The following UNC119 variants were observed in gnomAD, a reference collection of about 807,000 sequenced individuals.
UNC119 encodes unc-119 lipid binding chaperone, also known as protein unc-119 homolog A.
In UNC119, 15 loss-of-function variants were observed where a neutral mutation model predicts 22.6. The observed-to-expected ratio is 0.66, with a 90% CI of 0.44 to 1.02. UNC119 has a LOEUF of 1.02. UNC119 is among the 50% of genes least tolerant of loss of function. The pLI is 0.00. For missense variants in UNC119, 322 were observed against 336.0 expected (o/e 0.96, Z 0.33); for synonymous variants, 138 against 139.4 (o/e 0.99, Z 0.07).
At chr17:28,550,531 A>G (rs1433564140) in intron 1 of UNC119, 1 of 152,230 alleles carries the variant, frequency 6.6e-6, no homozygotes, top group Non-Finnish European at 1.5e-5. Context: ...GTCAGGTCAG[A>G]ATAAGGGGCA....
chr17:28,552,037 C>T (rs1362802334), intron 1 of UNC119: 2 of 603,232 alleles, frequency 3.3e-6, no homozygotes, highest in African/African-American at 3.7e-5. Context: ...AGCTACAGGG[C>T]TATGGTTGCA....
chr17:28,547,488 A>G, intron 4 of UNC119, 79 bp from the exon 5 acceptor site: 1 of 1,596,630 alleles, frequency 6.3e-7, no homozygotes, highest in Non-Finnish European at 8.5e-7. Context: ...GGACTGGGGT[A>G]CAGGGACAGC....
intron 1 of UNC119, 42 bp downstream of exon 1, chr17:28,552,296 C>A (rs528723456): frequency 6.6e-7 from 1 of 1,522,336 alleles, no homozygotes; most frequent in Admixed American, 2.0e-5. Context: ...CGCACCCTCT[C>A]CCCTTCCCAC....
rs900578321 is a variant in UNC119, at chr17:28,552,602, G to A, written c.-45C>T. On this transcript the variant is annotated 5_prime_UTR_variant, in exon 1 of 5. Coordinates refer to ENST00000335765, the MANE Select transcript of UNC119 (RefSeq NM_005148.4). ...TCGCCTGCTGCTGCCGCCGCTGCCTGCGCCGGCTGGAGCCGGGGGAAGTGG... is the reference window on the plus strand; with the variant it reads ...TCGCCTGCTGCTGCCGCCGCTGCCTACGCCGGCTGGAGCCGGGGGAAGTGG... The A allele has an allele frequency of 2.7e-5, 40 of 1,468,516 alleles. No individual in the cohort carries two copies. Among genetic ancestry groups the A allele is most frequent in the Middle Eastern group, 2.3e-4 (1 of 4,290 alleles). 91.0% of individuals were successfully genotyped at this position (1,468,516 alleles called of 1,614,324 possible). A position where few individuals can be genotyped will look rare whatever the true frequency, so the allele number is the denominator to read the frequency against.
Position 28,547,220 on chromosome 17 carries a change from G to C in UNC119, c.*77C>G. On this transcript the variant is annotated 3_prime_UTR_variant, in exon 5 of 5. Transcript: ENST00000335765. ...GAACTCCCCAAGCAGAGGACTTGGG[G>C]TTGAGGGGTGAGCGTTGGGGAGGTC... 1 of 1,563,528 alleles carries C rather than the reference G, an allele frequency of 6.4e-7. No homozygotes were observed. The highest frequency in any genetic ancestry group is 8.8e-7 in the Non-Finnish European group (1 of 1,142,722).
rs768178233 is a variant in UNC119 at position 28,547,257 on chromosome 17, C to T, written c.*40G>A. 1 of 1,612,366 alleles carries T rather than the reference C, an allele frequency of 6.2e-7. No homozygotes were observed. The highest frequency in any genetic ancestry group is 8.5e-7 in the Non-Finnish European group (1 of 1,179,082). On this transcript the variant is annotated 3_prime_UTR_variant, in exon 5 of 5. Coordinates refer to ENST00000335765, the MANE Select transcript of UNC119 (RefSeq NM_005148.4). Reference sequence around the variant, plus strand: ...GCGTTGGGGAGGTCACAGCTCCCAGCCCAGAACTGGAGCCTCCTGGGGTCA... The same window carrying T: ...GCGTTGGGGAGGTCACAGCTCCCAGTCCAGAACTGGAGCCTCCTGGGGTCA...
Position 28,548,630 on chromosome 17 carries a change from C to T in UNC119, c.296G>A (p.Gly99Asp), listed in dbSNP as rs770107395. ...CTTCTTGATTTCAAAGAGGACAGTG[C>T]CTGAGTCCATGTCCCGAATCTTAAA... ...VRFKIRDMDS[G>D]TVLFEIKKPP... The change falls in exon 2 of 5, where the codon GGC becomes GAC. Residue 99 changes from glycine to aspartate, a missense_variant. By Grantham distance (94) the Gly-to-Asp change is moderately conservative (BLOSUM62 -1). Transcript: ENST00000335765. 9 of 1,614,192 alleles carry T rather than the reference C, an allele frequency of 5.6e-6. No homozygotes were observed. The highest frequency in any genetic ancestry group is 7.6e-6 in the Non-Finnish European group (9 of 1,180,018).
intron 2 of UNC119, 137 bp downstream of exon 2, chr17:28,548,455 C>T: frequency 1.4e-6 from 1 of 721,750 alleles, no homozygotes. Context: ...AAAGGGCCCC[C>T]CTGCCTGCAG....
chr17:28,551,578 G>C (rs1432415419), intron 1 of UNC119: 1 of 152,896 alleles, frequency 6.5e-6, no homozygotes, highest in Non-Finnish European at 1.5e-5. Context: ...CCATTTTACA[G>C]ATGAAAAGAC....
At position 28,548,088 on chromosome 17, in the gene UNC119, G is replaced by A. The variant is rs376488780; in HGVS notation, c.348C>T (p.Ile116=). 6.2e-7 allele frequency: 1 copy of A among 1,613,562 alleles called. No homozygotes were observed. The highest frequency in any genetic ancestry group is 1.1e-5 in the South Asian group (1 of 91,066). ...KKPPVSERLP[I]NRRDLDPNAG... ...CATTGGGGTCCAGGTCCCGCCGGTTGATGGGCAACCGTTCTGCAATGTACC... is the reference window on the plus strand; with the variant it reads ...CATTGGGGTCCAGGTCCCGCCGGTTAATGGGCAACCGTTCTGCAATGTACC... The change falls in exon 3 of 5, where the codon ATC becomes ATT. Residue 116 remains isoleucine (I), a synonymous_variant. Coordinates refer to ENST00000335765, the MANE Select transcript of UNC119 (RefSeq NM_005148.4).
At chr17:28,551,801 A>G in intron 1 of UNC119, 1 of 232,386 alleles carries the variant, frequency 4.3e-6, no homozygotes, top group Non-Finnish European at 8.8e-6. Context: ...CAGCCAACAC[A>G]CTAAAGCTGC....
rs1348741100 is a variant in UNC119, at chr17:28,547,839, T to C, written c.448A>G (p.Thr150Ala). 1 of 1,614,136 alleles carries C rather than the reference T, an allele frequency of 6.2e-7. No individual in the cohort carries two copies. Among genetic ancestry groups the C allele is most frequent in the Non-Finnish European group, 8.5e-7 (1 of 1,180,016 alleles). ...LRQVGATVEF[T>A]VGDKPVNNFR... ...TTGTTGACAGGCTTGTCTCCCACTGTGAACTCCACCCTGAGCAAGAAAAGG... is the reference window on the plus strand; with the variant it reads ...TTGTTGACAGGCTTGTCTCCCACTGCGAACTCCACCCTGAGCAAGAAAAGG... The change falls in exon 4 of 5, where the codon ACA becomes GCA. Residue 150 changes from threonine (T) to alanine (A), a missense_variant. Thr to Ala is a moderately conservative substitution (Grantham distance 58). Coordinates refer to ENST00000335765, the MANE Select transcript of UNC119 (RefSeq NM_005148.4).
intron 1 of UNC119, chr17:28,551,269 G>C (rs912390341): frequency 6.6e-6 from 1 of 152,276 alleles, no homozygotes; most frequent in Non-Finnish European, 1.5e-5. Flanking sequence ...GCAGGTTGCT[G>C]GTGAATGTGG....
At chr17:28,552,273 CG>C in intron 1 of UNC119, 64 bp downstream of exon 1, 2 of 1,449,914 alleles carry the variant, frequency 1.4e-6, no homozygotes, top group Non-Finnish European at 9.3e-7. Flanking sequence ...CTTGGCGCGC[CG>C]GGAGGGCCCC....
rs1195576408 is a variant in UNC119 at position 28,547,192 on chromosome 17, G to A, written c.*105C>T. The A allele has an allele frequency of 1.4e-6, 2 of 1,387,778 alleles. No homozygotes were observed. The highest frequency in any genetic ancestry group is 2.9e-5 in the African/African-American group (2 of 70,102). The allele number at this position is 1,387,778 out of a possible 1,614,324, so 86.0% of individuals were successfully genotyped here. A position where few individuals can be genotyped will look rare whatever the true frequency, so the allele number is the denominator to read the frequency against. ...CATTGACTCAGGGTCCGGAGCTCCTGGAGAACTCCCCAAGCAGAGGACTTG... is the reference window on the plus strand; with the variant it reads ...CATTGACTCAGGGTCCGGAGCTCCTAGAGAACTCCCCAAGCAGAGGACTTG... On this transcript the variant is annotated 3_prime_UTR_variant, in exon 5 of 5. Coordinates refer to ENST00000335765, the MANE Select transcript of UNC119 (RefSeq NM_005148.4).
chr17:28,548,215 C>G (rs1004421601), intron 2 of UNC119, 114 bp from the exon 3 acceptor site: 62 of 1,080,444 alleles, frequency 5.7e-5, no homozygotes, highest in Non-Finnish European at 8.0e-5. Flanking sequence ...CCAAGAAATT[C>G]CGGGGCACAC....
At chr17:28,548,271 G>T (rs954008858) in intron 2 of UNC119, 170 bp from the exon 3 acceptor site, 18 of 674,754 alleles carry the variant, frequency 2.7e-5, no homozygotes, top group Middle Eastern at 2.5e-4. Context: ...AGGGGTTCTA[G>T]GTCTGCATGT....
chr17:28,552,608 G>A lies in UNC119; in HGVS notation c.-51C>T. On this transcript the variant is annotated 5_prime_UTR_variant, in exon 1 of 5. Transcript: ENST00000335765. Reference sequence around the variant, plus strand: ...GCTGCTGCCGCCGCTGCCTGCGCCGGCTGGAGCCGGGGGAAGTGGGAGCAT... The same window carrying A: ...GCTGCTGCCGCCGCTGCCTGCGCCGACTGGAGCCGGGGGAAGTGGGAGCAT... 1.4e-6 allele frequency: 2 copies of A among 1,458,130 alleles called. No homozygotes were observed. The highest frequency in any genetic ancestry group is 2.5e-5 in the Admixed American group (1 of 40,718). 90.3% of individuals were successfully genotyped at this position (1,458,130 alleles called of 1,614,324 possible). A position where few individuals can be genotyped will look rare whatever the true frequency, so the allele number is the denominator to read the frequency against.
intron 4 of UNC119, 67 bp downstream of exon 4, chr17:28,547,610 C>T (rs748187986): frequency 6.2e-6 from 10 of 1,613,558 alleles, no homozygotes; most frequent in Non-Finnish European, 8.5e-6. Flanking sequence ...ACAAGTCCCT[C>T]TCCCTCCCGC....
Sources: gnomAD v4.1 joint callset for allele counts on GRCh38, gnomAD v4.1.1 for gene constraint, MANE v1.5 for transcripts, NCBI Gene and HGNC (gene_info 2026-07-23, HGNC 2026-07-21) for gene names.